Variants in SLC12A6 observed in about 807,000 individuals in gnomAD.
SLC12A6 encodes K-Cl cotransporter 3.
In SLC12A6, 66 loss-of-function variants were observed where a neutral mutation model predicts 135.3. The observed-to-expected ratio is 0.49, with a 90% confidence interval of 0.40 to 0.60. SLC12A6 has a LOEUF of 0.60. Ranked by LOEUF, SLC12A6 falls within the 20% of genes least tolerant of loss-of-function variation. The pLI, the probability that SLC12A6 is intolerant of heterozygous loss-of-function variation, is 0.00. For synonymous variants in SLC12A6, 513 were observed against 508.8 expected, an observed-to-expected ratio of 1.01 and a Z score of -0.11; for missense variants, 1,058 against 1,452.3, an observed-to-expected ratio of 0.73 and a Z score of 4.41.
intron 2 of SLC12A6, among the ~76,000 whole-genome samples, chr15:34,302,183 G>GT (rs898453765): frequency 2.0e-5 from 3 of 152,160 alleles, no homozygotes; most frequent in Non-Finnish European, 4.4e-5. Context: ...GATGGTGAGA[G>GT]TAATACCAGA....
intron 3 of SLC12A6, among the ~76,000 whole-genome samples, chr15:34,272,902 G>C (rs1478675617): frequency 6.6e-6 from 1 of 152,060 alleles, no homozygotes; most frequent in East Asian, 1.9e-4. Context: ...TATGTATCAG[G>C]GACAGAAACA....
In SLC12A6 at chr15:34,285,717, T is replaced by A. The variant is rs867251143; in HGVS notation, c.272-10328A>T. Among the ~76,000 whole-genome samples, 59 of 131,084 alleles carry A rather than the reference T, an allele frequency of 4.5e-4. 1 individual carries two copies. Among genetic ancestry groups the A allele is most frequent in the South Asian group, 7.8e-4 (3 of 3,846 alleles). 86.0% of individuals were successfully genotyped at this position (131,084 alleles called of 152,430 possible). A position where few individuals can be genotyped will look rare whatever the true frequency, so the allele number is the denominator to read the frequency against. On this transcript the variant is annotated intron_variant, in intron 2 of 25. Transcript: ENST00000354181. ...ATGTGTGTGTGTGTGTGTGTGTTTG[T>A]CATACATAAAATGGAATATTATTCA... is the stretch of plus-strand genomic sequence containing the variant.
Position 34,254,371 on chromosome 15 carries a change from A to C in SLC12A6, c.1095T>G (p.Ser365=). The part of the protein sequence containing the change: ...ILAIYAGAIK[S]SFAPPHFPVC... ...ACGGGAAGTGTGGAGGAGCAAAAGA[A>C]GACTTGATGGCTCCAGCATAGATGG... is the stretch of plus-strand genomic sequence containing the variant. Residue 365 remains serine, a synonymous_variant, in exon 9 of 26, where the codon TCT becomes TCG. Transcript: ENST00000354181. 6.2e-7 allele frequency: 1 copy of C among 1,613,782 alleles called. No individual in the cohort carries two copies. The highest frequency in any genetic ancestry group is 8.5e-7 in the Non-Finnish European group (1 of 1,179,660).
At chr15:34,241,387 A>G (rs776043504) in intron 17 of SLC12A6, 50 bp from the exon 18 acceptor site, 1 of 974,184 alleles carries the variant, frequency 1.0e-6, no homozygotes, top group Non-Finnish European at 1.6e-6. Context: ...TAGTAAGTAT[A>G]ATTTTAAAAA....
intron 2 of SLC12A6, among the ~76,000 whole-genome samples, chr15:34,322,349 C>G (rs945266020): frequency 8.6e-5 from 13 of 151,680 alleles, no homozygotes; most frequent in Non-Finnish European, 1.6e-4. Context: ...CCACTCCAGC[C>G]TGGGCAACAA....
chr15:34,284,506 T>C (rs1238856133), intron 2 of SLC12A6, among the ~76,000 whole-genome samples: 1 of 151,974 alleles, frequency 6.6e-6, no homozygotes, highest in Non-Finnish European at 1.5e-5. Flanking sequence ...ACTCCTGACC[T>C]TGTGATCCAC....
At chr15:34,319,442 C>T (rs545680545) in intron 2 of SLC12A6, among the ~76,000 whole-genome samples, 8 of 152,044 alleles carry the variant, frequency 5.3e-5, no homozygotes, top group South Asian at 2.1e-4. Context: ...CGTGCCCAGC[C>T]GGGAATGGTT....
At chr15:34,324,388 T>C (rs1470494359) in intron 2 of SLC12A6, among the ~76,000 whole-genome samples, 4 of 152,234 alleles carry the variant, frequency 2.6e-5, no homozygotes, top group African/African-American at 9.6e-5. Flanking sequence ...TAGTGCTTTA[T>C]ATATTAGGCC....
At chr15:34,260,744 AAT>A (rs1370929123) in intron 4 of SLC12A6, among the ~76,000 whole-genome samples, 180 bp downstream of exon 4, 12 of 152,260 alleles carry the variant, frequency 7.9e-5, no homozygotes, top group African/African-American at 1.4e-4. Context: ...AATTTGATTT[AAT>A]AGTTACTCAC....
Position 34,254,499 on chromosome 15 carries a change from T to A in SLC12A6, c.967A>T (p.Thr323Ser). 1.2e-6 allele frequency: 2 copies of A among 1,613,764 alleles called. No homozygotes were observed. Among genetic ancestry groups the A allele is most frequent in the Non-Finnish European group, 1.7e-6 (2 of 1,179,620 alleles). Residue 323 changes from threonine (T) to serine (S), a missense_variant, in exon 9 of 26, where the codon ACA becomes TCA. By Grantham distance (58) the Thr-to-Ser change is moderately conservative. Coordinates refer to ENST00000354181, the MANE Select transcript of SLC12A6 (RefSeq NM_001365088.1). ...AATACCATAAGGACCAAGAAAGCTG[T>A]GCCGTAGACACGCATGTTATTTAGC... is the stretch of plus-strand genomic sequence containing the variant. ...AMLNNMRVYG[T>S]AFLVLMVLVV... is the part of the protein sequence containing the mutation.
At chr15:34,331,876 T>G (rs1566877680) in intron 2 of SLC12A6, among the ~76,000 whole-genome samples, 1 of 152,248 alleles carries the variant, frequency 6.6e-6, no homozygotes, top group East Asian at 1.9e-4. Context: ...TCACAAAAAC[T>G]TGGTTAACAG....
intron 2 of SLC12A6, among the ~76,000 whole-genome samples, chr15:34,322,416 C>T (rs1035884396): frequency 4.0e-5 from 6 of 151,494 alleles, no homozygotes; most frequent in Admixed American, 6.6e-5. Flanking sequence ...CTTCACTGTA[C>T]GAAAAGTTTA....
Position 34,232,195 on chromosome 15 carries a change from A to T in SLC12A6, c.*1686T>A, listed in dbSNP as rs1158741306. 1 of 152,200 alleles carries T rather than the reference A, an allele frequency of 6.6e-6. No individual in the cohort carries two copies. 9.4% of individuals were successfully genotyped at this position (152,200 alleles called of 1,614,324 possible). A position where few individuals can be genotyped will look rare whatever the true frequency, so the allele number is the denominator to read the frequency against. ...CAGATGTTTGATCAGTATATTAGTA[A>T]ATAAAAAGCTGAGCTTACACAAGTA... On this transcript the variant is annotated 3_prime_UTR_variant, in exon 26 of 26. Transcript: ENST00000354181.
intron 2 of SLC12A6, among the ~76,000 whole-genome samples, chr15:34,298,983 T>C (rs1394648216): frequency 6.6e-6 from 1 of 152,222 alleles, no homozygotes; most frequent in Non-Finnish European, 1.5e-5. Context: ...AAATAAATAC[T>C]TTGAAAGCTT....
intron 2 of SLC12A6, among the ~76,000 whole-genome samples, chr15:34,294,381 C>G (rs1457286644): frequency 2.6e-5 from 4 of 152,064 alleles, no homozygotes; most frequent in African/African-American, 9.7e-5. Flanking sequence ...CACAGGCACT[C>G]ACCACCTGTG....
chr15:34,335,982 G>T (rs1339801464), intron 2 of SLC12A6, among the ~76,000 whole-genome samples: 1 of 152,136 alleles, frequency 6.6e-6, no homozygotes, highest in Non-Finnish European at 1.5e-5. Flanking sequence ...GCTAAGATAC[G>T]ACCAGTAACT....
chr15:34,290,582 G>A (rs1172175947), intron 2 of SLC12A6, among the ~76,000 whole-genome samples: 1 of 152,170 alleles, frequency 6.6e-6, no homozygotes, highest in East Asian at 1.9e-4. Context: ...GGCTGTTAAA[G>A]TCTCCCATTG....
At chr15:34,278,046 T>C (rs1425585803) in intron 2 of SLC12A6, among the ~76,000 whole-genome samples, 2 of 152,184 alleles carry the variant, frequency 1.3e-5, no homozygotes, top group Non-Finnish European at 2.9e-5. Context: ...ATACAACCTA[T>C]GAAGAGAAAT....
At chr15:34,288,540 T>C (rs1047915163) in intron 2 of SLC12A6, among the ~76,000 whole-genome samples, 1 of 152,246 alleles carries the variant, frequency 6.6e-6, no homozygotes, top group African/African-American at 2.4e-5. Context: ...GGTAGCTTGA[T>C]GGGGATAGCA....
Sources: allele counts gnomAD v4.1 joint callset (sites outside exome capture counted in the v4.1 genomes callset), GRCh38; gene constraint gnomAD v4.1.1; transcripts MANE v1.5; gene names NCBI Gene and HGNC (gene_info 2026-07-23, HGNC 2026-07-21).